The following ATL3 variants were observed in gnomAD, a reference collection of about 807,000 sequenced individuals.
ATL3 encodes atlastin GTPase 3.
Under a neutral mutation model 69.5 loss-of-function variants are expected in ATL3, and 49 were observed. That is an observed-to-expected ratio of 0.71 (90% CI 0.56 to 0.89). The LOEUF is 0.89. Among genes scored for constraint, ATL3 ranks in the 40% least tolerant of loss-of-function variants. The pLI is 0.00. For missense variants in ATL3, 606 were observed against 645.7 expected (o/e 0.94, Z 0.67); for synonymous variants, 214 against 224.1 (o/e 0.95, Z 0.40).
intron 3 of ATL3, 90 bp downstream of exon 3, chr11:63,658,671 A>G: frequency 7.4e-7 from 1 of 1,353,564 alleles, no homozygotes; most frequent in Non-Finnish European, 9.7e-7. Flanking sequence ...TTCTTTGATA[A>G]AAGGTTTTTA....
chr11:63,648,462 G>C (rs896770355), intron 5 of ATL3, among the ~76,000 whole-genome samples: 3 of 152,204 alleles, frequency 2.0e-5, no homozygotes. Flanking sequence ...AAAGCTCCCA[G>C]TTGGATTGTT....
At chr11:63,633,554 G>C (rs1392580779) in intron 10 of ATL3, among the ~76,000 whole-genome samples, 2 of 151,802 alleles carry the variant, frequency 1.3e-5, no homozygotes, top group African/African-American at 4.8e-5. Context: ...AACTTTTTAA[G>C]TTTTTGTTTT....
At position 63,652,506 on chromosome 11, in the gene ATL3, T is replaced by C. The variant is rs1225434076; in HGVS notation, c.475A>G (p.Ile159Val). ...CTAGTCATAGTGCTTAGAGCAAAGA[T>C]GGTAGCACAGTCTTTCACAGTTGAC... ...SQSTVKDCAT[I>V]FALSTMTSSV... is the part of the protein sequence containing the mutation. Residue 159 changes from isoleucine (I) to valine (V), a missense_variant, in exon 4 of 13, where the codon ATC (isoleucine) becomes GTC (valine). By Grantham distance (29) the Ile-to-Val change is conservative (BLOSUM62 3). Coordinates refer to ENST00000398868, the MANE Select transcript of ATL3 (RefSeq NM_015459.5). 6.2e-7 allele frequency: 1 copy of C among 1,611,250 alleles called. No individual in the cohort carries two copies. The highest frequency in any genetic ancestry group is 8.5e-7 in the Non-Finnish European group (1 of 1,178,104).
chr11:63,666,865 AC>A (rs1940587883), intron 1 of ATL3, among the ~76,000 whole-genome samples: 1 of 152,246 alleles, frequency 6.6e-6, no homozygotes, highest in Non-Finnish European at 1.5e-5. Flanking sequence ...ATGCTGTATT[AC>A]ATTACTTACA....
intron 1 of ATL3, among the ~76,000 whole-genome samples, chr11:63,663,322 T>C (rs980950960): frequency 6.6e-6 from 1 of 152,080 alleles, no homozygotes; most frequent in Non-Finnish European, 1.5e-5. Context: ...GGTCTCATTA[T>C]GTGGCCCACA....
intron 10 of ATL3, among the ~76,000 whole-genome samples, chr11:63,634,379 C>T (rs1167942519): frequency 1.3e-5 from 2 of 151,592 alleles, no homozygotes; most frequent in Non-Finnish European, 2.9e-5. Context: ...TGGTGGCAGG[C>T]GCCTGCAGTC....
At chr11:63,636,461 G>A (rs979970176) in intron 8 of ATL3, 127 bp from the exon 9 acceptor site, 20 of 1,289,596 alleles carry the variant, frequency 1.6e-5, no homozygotes, top group Admixed American at 1.1e-4. Context: ...GAGAGAAGCC[G>A]GGCACGGTGG....
chr11:63,671,162 G>A, intron 1 of ATL3, 128 bp downstream of exon 1: 4 of 1,402,354 alleles, frequency 2.9e-6, no homozygotes, highest in Non-Finnish European at 1.9e-6. Context: ...TGACCCCGGC[G>A]AGGGACGCGC....
rs1939438815 is a variant in ATL3, at chr11:63,634,221, AG to A, written c.1036-1125del. 3.3e-5 allele frequency among the ~76,000 whole-genome samples: 5 copies of A among 149,458 alleles called. No individual in the cohort carries two copies. In the South Asian group the frequency reaches 1.1e-3, roughly 32 times the overall value. On this transcript the variant is annotated intron_variant, in intron 10 of 12. Coordinates refer to ENST00000398868, the MANE Select transcript of ATL3 (RefSeq NM_015459.5). ...AAAAAAAAGAAGAAGAAGAAAAAAA[AG>A]GGGGCTGGGCGCGGTGACTCACGCC...
At chr11:63,649,872 C>T (rs557828750) in intron 5 of ATL3, among the ~76,000 whole-genome samples, 91 of 152,142 alleles carry the variant, frequency 6.0e-4, no homozygotes, top group Non-Finnish European at 6.3e-4. Flanking sequence ...CTGATCTATG[C>T]TTTATGGTAT....
intron 1 of ATL3, among the ~76,000 whole-genome samples, chr11:63,668,830 T>C (rs1590749356): frequency 8.3e-6 from 1 of 119,830 alleles, no homozygotes; most frequent in African/African-American, 3.1e-5. Context: ...AAGGTCTCAC[T>C]CTGTTGCCTA....
chr11:63,631,709 C>T (rs1454656914), intron 11 of ATL3, among the ~76,000 whole-genome samples: 5 of 152,140 alleles, frequency 3.3e-5, no homozygotes, highest in Admixed American at 6.5e-5. Context: ...GGGACGGGTG[C>T]GGTGGCTCAC....
intron 3 of ATL3, among the ~76,000 whole-genome samples, chr11:63,657,208 C>CA (rs1254213240): frequency 0.029 from 1,720 of 59,382 alleles, 45 homozygotes; most frequent in African/African-American, 0.066. Flanking sequence ...GACTACATCT[C>CA]AAAAAAAAAA....
In ATL3 at chr11:63,658,767, C is replaced by T. The variant is rs778353861; in HGVS notation, c.399G>A (p.Gly133=). 6.3e-7 allele frequency: 1 copy of T among 1,596,994 alleles called. No individual in the cohort carries two copies. ...AGGTCATTTTCATCCTTACCTTCTT[C>T]CCACCTGGCTTCTCCACAGTGAAAA... The part of the protein sequence containing the change: ...SEVFTVEKPG[G]KKVAVVLMDT... Residue 133 remains glycine, a synonymous_variant, in exon 3 of 13, where the codon GGG becomes GGA. Coordinates refer to ENST00000398868, the MANE Select transcript of ATL3 (RefSeq NM_015459.5).
intron 1 of ATL3, among the ~76,000 whole-genome samples, chr11:63,668,563 T>C (rs1411242978): frequency 6.6e-6 from 1 of 152,222 alleles, no homozygotes; most frequent in African/African-American, 2.4e-5. Flanking sequence ...ATATTTTTTG[T>C]TGTTGACTAA....
At chr11:63,632,978 A>G (rs762678291) in intron 11 of ATL3, 48 bp downstream of exon 11, 10 of 1,564,650 alleles carry the variant, frequency 6.4e-6, no homozygotes, top group Non-Finnish European at 8.8e-6. Context: ...AGTCAGCAAC[A>G]ATGCCCAGAT....
At chr11:63,651,867 T>C in intron 5 of ATL3, 69 bp downstream of exon 5, 1 of 1,524,078 alleles carries the variant, frequency 6.6e-7, no homozygotes. Flanking sequence ...ACTACTCAGT[T>C]GTAAAATGTT....
rs1323663484 is a variant in ATL3 at position 63,625,406 on chromosome 11, AAAGAACCTAG to A, written c.*3903_*3912del. The stretch of plus-strand genomic sequence containing the variant: ...TCCATGTAAGTTACATCATTTTTTA[AAAGAACCTAG>A]CAAAAAATTAAAAACTGTTTTATTA... On this transcript the variant is annotated 3_prime_UTR_variant, in exon 13 of 13. Coordinates refer to ENST00000398868, the MANE Select transcript of ATL3 (RefSeq NM_015459.5). 6.6e-6 allele frequency: 1 copy of A among 152,198 alleles called. No individual in the cohort carries two copies. The highest frequency in any genetic ancestry group is 1.5e-5 in the Non-Finnish European group (1 of 68,034). The allele number at this position is 152,198 out of a possible 1,614,324, so 9.4% of individuals were successfully genotyped here.
chr11:63,657,322 C>T (rs908290638), intron 3 of ATL3, among the ~76,000 whole-genome samples: 17 of 152,094 alleles, frequency 1.1e-4, no homozygotes, highest in Non-Finnish European at 1.6e-4. Context: ...TTACCCCTCC[C>T]GATCCTTACA....
Sources: gnomAD v4.1 joint callset for allele counts (sites outside exome capture counted in the v4.1 genomes callset) on GRCh38, gnomAD v4.1.1 for gene constraint, MANE v1.5 for transcripts, NCBI Gene and HGNC (gene_info 2026-07-23, HGNC 2026-07-21) for gene names.